The following HDAC9 variants were observed in gnomAD, a reference collection of about 807,000 sequenced individuals.
The protein encoded by HDAC9 is histone deacetylase 9.
Under a neutral mutation model 139.4 loss-of-function variants are expected in HDAC9, and 41 were observed. That is an observed-to-expected ratio of 0.29 (90% CI 0.23 to 0.38). HDAC9 has a LOEUF of 0.38. Ranked by LOEUF, HDAC9 falls within the 10% of genes least tolerant of loss-of-function variation. HDAC9 has a pLI of 1.00. For missense variants in HDAC9, 1,147 were observed against 1,297.0 expected, an observed-to-expected ratio of 0.88 and a Z score of 1.78; for synonymous variants, 517 against 476.2, an observed-to-expected ratio of 1.09 and a Z score of -1.12.
At chr7:18,357,001 T>C (rs1468280259) in intron 1 of HDAC9, among the ~76,000 whole-genome samples, 1 of 152,148 alleles carries the variant, frequency 6.6e-6, no homozygotes, top group Non-Finnish European at 1.5e-5. Context: ...TTAAGGTATA[T>C]ACTGAAAGTC....
intron 12 of HDAC9, among the ~76,000 whole-genome samples, chr7:18,719,317 A>G (rs901693456): frequency 1.3e-4 from 8 of 63,228 alleles, no homozygotes; most frequent in Non-Finnish European, 1.7e-4. Context: ...TAATTAACCT[A>G]TTTTTTTCTC....
At position 18,755,025 on chromosome 7, in the gene HDAC9, T is replaced by C. The variant is rs78761469; in HGVS notation, c.2043+5887T>C. 2.7e-3 allele frequency among the ~76,000 whole-genome samples: 416 copies of C among 152,250 alleles called. 2 individuals carry two copies. The highest frequency in any genetic ancestry group is 9.3e-3 in the African/African-American group (385 of 41,568). On this transcript the variant is annotated intron_variant, in intron 14 of 25. Coordinates refer to ENST00000686413, the MANE Select transcript of HDAC9 (RefSeq NM_178425.4). ...GGCAGCACGTAACAGTGTACTGTTT[T>C]GCTTAGTTTGCAAAAAAAAATTTTA...
At chr7:18,841,297 T>TTTGGA (rs1268696468) in intron 21 of HDAC9, among the ~76,000 whole-genome samples, 2 of 151,960 alleles carry the variant, frequency 1.3e-5, no homozygotes, top group African/African-American at 4.8e-5. Context: ...GTAAATACTG[T>TTTGGA]TTGGATTTTT....
At chr7:18,270,261 T>G (rs1361893426) in intron 2 of HDAC9, among the ~76,000 whole-genome samples, 2 of 150,324 alleles carry the variant, frequency 1.3e-5, no homozygotes, top group East Asian at 3.9e-4. Context: ...GGGCCTGGCA[T>G]GGAGTTGCTT....
intron 16 of HDAC9, among the ~76,000 whole-genome samples, chr7:18,767,672 A>T (rs1299886199): frequency 6.6e-6 from 1 of 152,162 alleles, no homozygotes; most frequent in African/African-American, 2.4e-5. Flanking sequence ...CTTTTGACTC[A>T]ACATATTTAG....
intron 2 of HDAC9, among the ~76,000 whole-genome samples, chr7:18,192,857 G>A (rs1411371651): frequency 1.3e-5 from 2 of 152,136 alleles, no homozygotes; most frequent in Non-Finnish European, 2.9e-5. Flanking sequence ...TATGTGCATT[G>A]TATTTAATAT....
chr7:18,807,696 A>T (rs1482287028), intron 17 of HDAC9, among the ~76,000 whole-genome samples: 1 of 152,124 alleles, frequency 6.6e-6, no homozygotes, highest in Non-Finnish European at 1.5e-5. Context: ...GGTTTCCCAG[A>T]AATATGTTGC....
intron 1 of HDAC9, among the ~76,000 whole-genome samples, chr7:18,393,894 T>C (rs1232572009): frequency 1.3e-5 from 2 of 152,222 alleles, no homozygotes; most frequent in Admixed American, 6.5e-5. Flanking sequence ...GGCAAGTGAA[T>C]TGCGTGTGGG....
chr7:18,920,754 T>A lies in HDAC9; in HGVS notation c.2804-15055T>A, dbSNP rs557478148. On this transcript the variant is annotated intron_variant, in intron 22 of 25. Coordinates refer to ENST00000686413, the MANE Select transcript of HDAC9 (RefSeq NM_178425.4). ...TTTTCTGCATCTATTGAGATAATCA[T>A]GTGGTTTTTGTCTTTGGTTCTGTTT... is the stretch of plus-strand genomic sequence containing the variant. 1.9e-3 allele frequency among the ~76,000 whole-genome samples: 287 copies of A among 152,280 alleles called. 1 individual carries two copies. Among genetic ancestry groups the A allele is most frequent in the African/African-American group, 6.6e-3 (274 of 41,584 alleles).
chr7:18,443,560 T>C (rs1043142396), intron 1 of HDAC9, among the ~76,000 whole-genome samples: 2 of 152,206 alleles, frequency 1.3e-5, no homozygotes, highest in African/African-American at 4.8e-5. Flanking sequence ...AAAAACATGT[T>C]ATGCTCTTAT....
intron 2 of HDAC9, among the ~76,000 whole-genome samples, chr7:18,253,357 T>TG (rs1795042276): frequency 1.8e-5 from 1 of 56,804 alleles, no homozygotes; most frequent in Non-Finnish European, 3.5e-5. Flanking sequence ...CAAACTAATT[T>TG]ACACTCCTAC....
chr7:18,811,018 C>G (rs1166931859), intron 17 of HDAC9, among the ~76,000 whole-genome samples: 2 of 151,792 alleles, frequency 1.3e-5, no homozygotes, highest in African/African-American at 2.4e-5. Flanking sequence ...AATGTTACAG[C>G]TTAACTGTAT....
intron 13 of HDAC9, among the ~76,000 whole-genome samples, chr7:18,745,318 C>A (rs73317438): frequency 6.6e-6 from 1 of 152,088 alleles, no homozygotes; most frequent in Non-Finnish European, 1.5e-5. Context: ...TTCAAATGGC[C>A]TTCCAAGAGC....
intron 12 of HDAC9, chr7:18,667,568 C>T (rs929580920): frequency 2.0e-6 from 2 of 985,134 alleles, no homozygotes; most frequent in Non-Finnish European, 2.4e-6. Context: ...CAACAGAAGA[C>T]ACTGTTTATT....
intron 1 of HDAC9, among the ~76,000 whole-genome samples, chr7:18,489,756 T>C (rs1380964113): frequency 6.6e-6 from 1 of 152,110 alleles, no homozygotes; most frequent in Non-Finnish European, 1.5e-5. Context: ...ATCAAAAGAC[T>C]ATTAAGTTTT....
chr7:18,102,425 A>G (rs558517075), intron 1 of HDAC9, among the ~76,000 whole-genome samples: 1 of 152,344 alleles, frequency 6.6e-6, no homozygotes, highest in Non-Finnish European at 1.5e-5. Context: ...CTTTTTCTTC[A>G]GCACTGTCAT....
intron 16 of HDAC9, among the ~76,000 whole-genome samples, chr7:18,790,000 A>G (rs1792160729): frequency 6.6e-6 from 1 of 152,146 alleles, no homozygotes; most frequent in Non-Finnish European, 1.5e-5. Flanking sequence ...TTTACCATTG[A>G]GAATATTGGA....
At chr7:18,146,585 T>C (rs559551306) in intron 1 of HDAC9, among the ~76,000 whole-genome samples, 106 of 152,308 alleles carry the variant, frequency 7.0e-4, no homozygotes, top group Non-Finnish European at 1.3e-3. Context: ...TTTTAAGACA[T>C]TGAATAAGCT....
chr7:18,304,036 T>TA (rs1798750550), intron 1 of HDAC9, among the ~76,000 whole-genome samples: 1 of 152,230 alleles, frequency 6.6e-6, no homozygotes, highest in Non-Finnish European at 1.5e-5. Flanking sequence ...CCCTGCTTGA[T>TA]AGAGAGTCCC....
Sources: gnomAD v4.1 joint callset for allele counts (sites outside exome capture counted in the v4.1 genomes callset) on GRCh38, gnomAD v4.1.1 for gene constraint, MANE v1.5 for transcripts, NCBI Gene and HGNC (gene_info 2026-07-23, HGNC 2026-07-21) for gene names.